The following GLIS3 variants were observed in gnomAD, a reference collection of about 807,000 sequenced individuals.
GLIS3 encodes the protein GLIS family zinc finger 3, also known as zinc finger protein GLIS3.
A neutral mutation model predicts 78.6 loss-of-function variants in GLIS3; 53 were observed. That is an observed-to-expected ratio of 0.67 (90% CI 0.54 to 0.85). The LOEUF (loss-of-function observed/expected upper bound fraction) is 0.85, where lower values mean the gene tolerates loss of function less well. GLIS3 is among the 40% of genes least tolerant of loss of function. The pLI is 0.00. For synonymous variants in GLIS3, 684 were observed against 509.9 expected (o/e 1.34, Z -4.60); for missense variants, 1,703 against 1,231.1 (o/e 1.38, Z -5.74).
the GLIS3 span, among the ~76,000 whole-genome samples, chr9:4,362,907 T>C: frequency 5.9e-5 from 9 of 151,716 alleles, no homozygotes; most frequent in African/African-American, 1.7e-4. Flanking sequence ...TTTGAGGAGT[T>C]AGAGGGAGGA....
intron 1 of GLIS3, among the ~76,000 whole-genome samples, chr9:4,287,425 G>C (rs539735674): frequency 2.6e-5 from 4 of 152,284 alleles, no homozygotes; most frequent in African/African-American, 7.2e-5. Flanking sequence ...GATGATGCCG[G>C]GTTGTAAATC....
chr9:4,160,999 T>A (rs1270135903), intron 2 of GLIS3, among the ~76,000 whole-genome samples: 2 of 150,948 alleles, frequency 1.3e-5, no homozygotes, highest in Non-Finnish European at 2.9e-5. Context: ...ATCCCAGCAC[T>A]TAAGAAGGCT....
rs914866169 is a variant in GLIS3, at chr9:4,299,540, A to G, written c.-218T>C. 4 of 152,592 alleles carry G rather than the reference A, an allele frequency of 2.6e-5. No homozygotes were observed. The highest frequency in any genetic ancestry group is 7.2e-5 in the African/African-American group (3 of 41,468). The allele number at this position is 152,592 out of a possible 1,614,324, so 9.5% of individuals were successfully genotyped here. A position where few individuals can be genotyped will look rare whatever the true frequency, so the allele number is the denominator to read the frequency against. On this transcript the variant is annotated 5_prime_UTR_variant, in exon 1 of 11. An upstream open reading frame in the 5' UTR loses its in-frame stop. Coordinates refer to ENST00000381971, the MANE Select transcript of GLIS3 (RefSeq NM_001042413.2). ...GAGTAACTTGGGGCTCCAGCCCTTC[A>G]GAGCGCTCCGCGGGCTGTGCCTCCT...
chr9:4,375,383 T>C, the GLIS3 span, among the ~76,000 whole-genome samples: 425 of 152,344 alleles, frequency 2.8e-3, 2 homozygotes, highest in African/African-American at 9.6e-3. Context: ...AATTATAGTA[T>C]ATACAAGTTT....
In GLIS3 at chr9:4,299,712, A is replaced by G. The variant is rs1816950542; in HGVS notation, c.-390T>C. Reference sequence around the variant, plus strand: ...GTGGCTGGACCCTCGGCATCAGCTCATTCTCCCCTGCTACACACATACACA... The same window carrying G: ...GTGGCTGGACCCTCGGCATCAGCTCGTTCTCCCCTGCTACACACATACACA... On this transcript the variant is annotated 5_prime_UTR_variant, in exon 1 of 11. An upstream start codon of the reference 5' UTR is lost. Coordinates refer to ENST00000381971, the MANE Select transcript of GLIS3 (RefSeq NM_001042413.2). 1 of 152,444 alleles carries G rather than the reference A, an allele frequency of 6.6e-6. No individual in the cohort carries two copies. 9.4% of individuals were successfully genotyped at this position (152,444 alleles called of 1,614,324 possible).
chr9:4,005,485 T>G (rs1299917139), intron 4 of GLIS3, among the ~76,000 whole-genome samples: 2 of 152,222 alleles, frequency 1.3e-5, no homozygotes, highest in Non-Finnish European at 2.9e-5. Flanking sequence ...CTAAACTGCA[T>G]GAGTTCAAAT....
intron 4 of GLIS3, among the ~76,000 whole-genome samples, chr9:4,083,863 T>C (rs10814831): frequency 0.25 from 38,644 of 152,146 alleles, 5,266 homozygotes; most frequent in East Asian, 0.38. Flanking sequence ...CATCAATAAT[T>C]TCTGGTTTCA....
At chr9:4,022,416 C>A (rs759019945) in intron 4 of GLIS3, among the ~76,000 whole-genome samples, 5 of 152,202 alleles carry the variant, frequency 3.3e-5, no homozygotes, top group African/African-American at 1.2e-4. Flanking sequence ...ATCCAGTCCC[C>A]AACCTGGTTC....
intron 2 of GLIS3, among the ~76,000 whole-genome samples, chr9:4,232,807 A>T (rs1466320611): frequency 6.6e-6 from 1 of 152,164 alleles, no homozygotes; most frequent in African/African-American, 2.4e-5. Flanking sequence ...ATGTCCAACC[A>T]CTAGTCATAT....
At chr9:3,851,482 T>C (rs546394185) in intron 9 of GLIS3, among the ~76,000 whole-genome samples, 1 of 152,268 alleles carries the variant, frequency 6.6e-6, no homozygotes, top group South Asian at 2.1e-4. Flanking sequence ...AATGAATGAA[T>C]GAGATGGATG....
chr9:4,079,530 C>T (rs1236343756), intron 4 of GLIS3, among the ~76,000 whole-genome samples: 3 of 152,140 alleles, frequency 2.0e-5, no homozygotes, highest in East Asian at 1.9e-4. Context: ...CTGTCATCAG[C>T]GGAGGTCAGA....
intron 2 of GLIS3, among the ~76,000 whole-genome samples, chr9:4,247,149 T>C (rs1254400886): frequency 3.3e-5 from 5 of 152,210 alleles, no homozygotes; most frequent in Non-Finnish European, 7.3e-5. Context: ...AGACTCCCTC[T>C]GCCATTCGTA....
chr9:3,881,454 G>C (rs1450069159), intron 7 of GLIS3, among the ~76,000 whole-genome samples: 1 of 152,146 alleles, frequency 6.6e-6, no homozygotes, highest in African/African-American at 2.4e-5. Context: ...AGGAAACTTG[G>C]TGTGCACACT....
chr9:4,202,732 T>C (rs1476634253), intron 2 of GLIS3, among the ~76,000 whole-genome samples: 2 of 152,300 alleles, frequency 1.3e-5, no homozygotes, highest in South Asian at 4.1e-4. Flanking sequence ...GAATCCCTAT[T>C]AAATAAATGA....
the GLIS3 span, among the ~76,000 whole-genome samples, chr9:4,356,435 G>T: frequency 2.6e-5 from 4 of 152,228 alleles, no homozygotes; most frequent in Admixed American, 2.6e-4. Context: ...CAGAAAAGTT[G>T]TATCTGCCAC....
chr9:4,320,680 G>A (rs368145314), intron 2 of GLIS3, among the ~76,000 whole-genome samples: 5 of 151,176 alleles, frequency 3.3e-5, no homozygotes, highest in African/African-American at 9.7e-5. Context: ...CATCACCACC[G>A]CCATCACCAC....
At chr9:4,267,919 A>G (rs990397014) in intron 2 of GLIS3, among the ~76,000 whole-genome samples, 5 of 150,438 alleles carry the variant, frequency 3.3e-5, no homozygotes, top group African/African-American at 1.2e-4. Context: ...ATCCACGGAT[A>G]AGTAAAAAAC....
Position 3,828,229 on chromosome 9 carries a change from C to G in GLIS3, c.*43G>C. ...GAGTACGAAAACAAAAGGTGGCAAG[C>G]AACATCAAGGTCCTGGGTGTGCAGG... On this transcript the variant is annotated 3_prime_UTR_variant, in exon 11 of 11. Transcript: ENST00000381971. The G allele has an allele frequency of 1.9e-6, 3 of 1,612,980 alleles. No homozygotes were observed. The highest frequency in any genetic ancestry group is 2.5e-6 in the Non-Finnish European group (3 of 1,179,480).
At chr9:3,956,453 G>A (rs1281037030) in intron 4 of GLIS3, among the ~76,000 whole-genome samples, 1 of 152,190 alleles carries the variant, frequency 6.6e-6, no homozygotes, top group Non-Finnish European at 1.5e-5. Flanking sequence ...GTCTAATTCT[G>A]TGGAGACCCA....
Sources: gnomAD v4.1 joint callset for allele counts (sites outside exome capture counted in the v4.1 genomes callset) on GRCh38, gnomAD v4.1.1 for gene constraint, MANE v1.5 for transcripts, NCBI Gene and HGNC (gene_info 2026-07-23, HGNC 2026-07-21) for gene names.